Variants in PMFBP1 observed in about 807,000 individuals in gnomAD.
PMFBP1 encodes polyamine-modulated factor 1-binding protein 1.
Under a neutral mutation model 137.8 loss-of-function variants are expected in PMFBP1, and 131 were observed. The observed-to-expected ratio is 0.95, with a 90% CI of 0.82 to 1.10. The LOEUF is 1.10. Among genes scored for constraint, PMFBP1 ranks in the 50% least tolerant of loss-of-function variants. The pLI is 0.00. For missense variants in PMFBP1, 1,199 were observed against 1,175.4 expected (o/e 1.02, Z -0.29); for synonymous variants, 490 against 450.4 (o/e 1.09, Z -1.11).
the PMFBP1 span, among the ~76,000 whole-genome samples, chr16:72,191,804 C>T: frequency 6.6e-6 from 1 of 152,164 alleles, no homozygotes; most frequent in African/African-American, 2.4e-5. Context: ...TGGCAGGCAC[C>T]CAGCTAGTAA....
the PMFBP1 span, among the ~76,000 whole-genome samples, chr16:72,184,965 C>T: frequency 6.6e-6 from 1 of 152,124 alleles, no homozygotes; most frequent in African/African-American, 2.4e-5. Context: ...TTATCCATTG[C>T]TCTCAAGGTA....
chr16:72,146,371 A>G (rs1348862658), intron 5 of PMFBP1, among the ~76,000 whole-genome samples: 1 of 152,218 alleles, frequency 6.6e-6, no homozygotes, highest in East Asian at 1.9e-4. Context: ...GATGGGATGT[A>G]TCTCAAAATA....
the PMFBP1 span, among the ~76,000 whole-genome samples, chr16:72,247,060 G>A: frequency 6.6e-6 from 1 of 152,170 alleles, no homozygotes; most frequent in Non-Finnish European, 1.5e-5. Flanking sequence ...CCATTTACCT[G>A]TCCGATGAAG....
At chr16:72,152,157 C>G (rs2042911737) in intron 4 of PMFBP1, among the ~76,000 whole-genome samples, 1 of 152,186 alleles carries the variant, frequency 6.6e-6, no homozygotes, top group Non-Finnish European at 1.5e-5. Flanking sequence ...GTCTTAGGGT[C>G]TGCTGTTGAG....
the PMFBP1 span, chr16:72,224,686 C>G: frequency 6.6e-6 from 1 of 152,400 alleles, no homozygotes; most frequent in Admixed American, 6.5e-5. Flanking sequence ...GCTTCTGTGA[C>G]CTTGCCTCGC....
rs2042352928 is a variant in PMFBP1 at position 72,119,983 on chromosome 16, C to A, written c.2875G>T (p.Ala959Ser). ...KAENTRLCTK[A>S]LGPSRTESTQ... ...GACTCCGTTCTGCTCGGGCCTAGGG[C>A]TTTGGTGCATAGCCTTGTGTTCTCG... Residue 959 changes from alanine to serine, a missense_variant, in exon 20 of 21, where the codon GCC (alanine) becomes TCC (serine). By Grantham distance (99) the Ala-to-Ser change is moderately conservative. Coordinates refer to ENST00000237353, the MANE Select transcript of PMFBP1 (RefSeq NM_031293.3). 3.7e-6 allele frequency: 6 copies of A among 1,614,076 alleles called. No homozygotes were observed. The highest frequency in any genetic ancestry group is 3.4e-6 in the Non-Finnish European group (4 of 1,180,044).
intron 5 of PMFBP1, among the ~76,000 whole-genome samples, chr16:72,148,127 C>T (rs1365757103): frequency 6.6e-6 from 1 of 152,080 alleles, no homozygotes; most frequent in Non-Finnish European, 1.5e-5. Flanking sequence ...AACCCAAATG[C>T]CCAGCAGTGT....
chr16:72,208,667 C>T, the PMFBP1 span, among the ~76,000 whole-genome samples: 1 of 152,308 alleles, frequency 6.6e-6, no homozygotes, highest in South Asian at 2.1e-4. Flanking sequence ...AGGATATTAT[C>T]AAAGTTAATT....
chr16:72,155,005 C>T (rs372701755), intron 3 of PMFBP1, among the ~76,000 whole-genome samples: 3 of 152,088 alleles, frequency 2.0e-5, no homozygotes, highest in Admixed American at 6.6e-5. Context: ...TGTGACCTTG[C>T]GGATGCTGAC....
chr16:72,153,775 C>T (rs1274767231), intron 4 of PMFBP1, among the ~76,000 whole-genome samples: 2 of 145,586 alleles, frequency 1.4e-5, no homozygotes, highest in African/African-American at 2.6e-5. Context: ...CTAGTGTGCA[C>T]GTGCCAGGAA....
chr16:72,244,643 G>A, the PMFBP1 span, among the ~76,000 whole-genome samples: 1 of 152,176 alleles, frequency 6.6e-6, no homozygotes, highest in African/African-American at 2.4e-5. Context: ...CTCCAAAACT[G>A]GGTGGAAAAT....
intron 19 of PMFBP1, among the ~76,000 whole-genome samples, chr16:72,121,009 T>C (rs1291510643): frequency 6.6e-6 from 1 of 152,158 alleles, no homozygotes; most frequent in Non-Finnish European, 1.5e-5. Context: ...TGGTTTTCTT[T>C]CAAATAAGAA....
chr16:72,143,384 G>T (rs978693270), intron 5 of PMFBP1, among the ~76,000 whole-genome samples: 8 of 152,232 alleles, frequency 5.3e-5, no homozygotes, highest in Admixed American at 5.2e-4. Flanking sequence ...ACAGTCAAGT[G>T]AAAATCTGGT....
intron 10 of PMFBP1, 88 bp downstream of exon 10, chr16:72,132,660 T>A: frequency 6.4e-7 from 1 of 1,574,740 alleles, no homozygotes; most frequent in Non-Finnish European, 8.6e-7. Context: ...CGAGGGGAAG[T>A]GGCCACTGGG....
At chr16:72,170,929 C>T (rs2043211990) in intron 2 of PMFBP1, among the ~76,000 whole-genome samples, 1 of 152,036 alleles carries the variant, frequency 6.6e-6, no homozygotes, top group Admixed American at 6.6e-5. Flanking sequence ...GCAAAGGAAA[C>T]TTAGAGTAGG....
intron 19 of PMFBP1, among the ~76,000 whole-genome samples, chr16:72,120,952 C>A (rs972812464): frequency 7.9e-5 from 12 of 152,150 alleles, no homozygotes; most frequent in Non-Finnish European, 1.3e-4. Flanking sequence ...GTACCTCACA[C>A]ACAGCAAATA....
At chr16:72,128,967 G>A (rs1438242741) in intron 13 of PMFBP1, 99 bp downstream of exon 13, 9 of 1,526,786 alleles carry the variant, frequency 5.9e-6, no homozygotes, top group African/African-American at 2.8e-5. Context: ...TCTTTCCTAA[G>A]CTCTGAGCAT....
intron 9 of PMFBP1, among the ~76,000 whole-genome samples, chr16:72,133,193 T>C (rs1228032062): frequency 1.3e-5 from 2 of 152,056 alleles, no homozygotes; most frequent in Admixed American, 1.3e-4. Flanking sequence ...TTATTATTGT[T>C]ATTGTTTTTG....
chr16:72,119,428 G>T, intron 20 of PMFBP1, 74 bp from the exon 21 acceptor site: 1 of 1,611,886 alleles, frequency 6.2e-7, no homozygotes, highest in Non-Finnish European at 8.5e-7. Flanking sequence ...AGGGCTGGCC[G>T]CATGGCCAGG....
Sources: gnomAD v4.1 joint callset for allele counts (sites outside exome capture counted in the v4.1 genomes callset) on GRCh38, gnomAD v4.1.1 for gene constraint, MANE v1.5 for transcripts, NCBI Gene and HGNC (gene_info 2026-07-23, HGNC 2026-07-21) for gene names.